Variants in UNC13C observed in about 807,000 individuals in gnomAD.
UNC13C encodes unc-13 homolog C.
Under a neutral mutation model 245.4 loss-of-function variants are expected in UNC13C, and 174 were observed. The ratio of observed to expected loss-of-function variants is 0.71; its 90% CI spans 0.63 to 0.80. The LOEUF (loss-of-function observed/expected upper bound fraction) is 0.80. Among genes scored for constraint, UNC13C ranks in the 30% least tolerant of loss-of-function variants. The pLI is 0.00. For synonymous variants in UNC13C, 992 were observed against 895.1 expected, an observed-to-expected ratio of 1.11 and a Z score of -1.93; for missense variants, 2,829 against 2,602.9, an observed-to-expected ratio of 1.09 and a Z score of -1.89.
At chr15:54,234,193 G>A (rs553529175) in intron 4 of UNC13C, among the ~76,000 whole-genome samples, 17 of 151,678 alleles carry the variant, frequency 1.1e-4, no homozygotes, top group African/African-American at 4.1e-4. Context: ...GATATTTTAT[G>A]TGCGTTCATA....
chr15:54,047,862 C>T (rs1299889232), intron 2 of UNC13C, among the ~76,000 whole-genome samples: 1 of 152,074 alleles, frequency 6.6e-6, no homozygotes, highest in East Asian at 1.9e-4. Context: ...TTATTATCAG[C>T]ATTCATATTT....
At chr15:54,565,228 A>G (rs2141212709) in intron 29 of UNC13C, among the ~76,000 whole-genome samples, 1 of 152,098 alleles carries the variant, frequency 6.6e-6, no homozygotes, top group East Asian at 1.9e-4. Context: ...AATGTTGGTT[A>G]CATTTCCTAC....
rs774740062 is a variant in UNC13C, at chr15:54,257,353, A to G, written c.3449-6815A>G. ...GTGATGACTGGGCAACCTCTAGAAA[A>G]TGCTGATGAGATGTAGTACCTTTAA... is the stretch of plus-strand genomic sequence containing the variant. On this transcript the variant is annotated intron_variant, in intron 8 of 32. Transcript: ENST00000260323. Among the ~76,000 whole-genome samples the G allele has an allele frequency of 8.0e-4, 122 of 152,334 alleles. 1 individual carries two copies. Among genetic ancestry groups the G allele is most frequent in the Admixed American group, 2.4e-3 (37 of 15,306 alleles).
intron 8 of UNC13C, among the ~76,000 whole-genome samples, chr15:54,255,167 C>T (rs2036247819): frequency 6.6e-6 from 1 of 152,158 alleles, no homozygotes; most frequent in South Asian, 2.1e-4. Flanking sequence ...AGTTTAGCTT[C>T]CCGTAGGTGG....
chr15:54,293,862 A>T, intron 10 of UNC13C, 33 bp from the exon 11 acceptor site: 2 of 1,481,392 alleles, frequency 1.4e-6, no homozygotes, highest in Admixed American at 5.2e-5. Context: ...AGCAGTTTTC[A>T]ATTGTTGTTA....
intron 30 of UNC13C, among the ~76,000 whole-genome samples, chr15:54,582,746 A>T (rs1898260942): frequency 6.6e-6 from 1 of 152,138 alleles, no homozygotes; most frequent in South Asian, 2.1e-4. Context: ...AAAACTGTGA[A>T]TTATGACGAC....
chr15:54,458,680 CTTTTTTTTT>C (rs79291504), intron 19 of UNC13C, among the ~76,000 whole-genome samples: 1 of 65,974 alleles, frequency 1.5e-5, no homozygotes, highest in Admixed American at 2.4e-4. Context: ...CCTTTAAGGT[CTTTTTTTTT>C]TTTTTTTTTT....
chr15:54,321,249 T>C, intron 13 of UNC13C: 1 of 483,292 alleles, frequency 2.1e-6, no homozygotes. Context: ...CAAGACCCCT[T>C]TTCTTGCCAC....
chr15:54,074,560 C>T (rs1418623910), intron 2 of UNC13C, among the ~76,000 whole-genome samples: 2 of 152,118 alleles, frequency 1.3e-5, no homozygotes, highest in Non-Finnish European at 2.9e-5. Context: ...TTTCATTGAG[C>T]AGTGGTTTGT....
At chr15:54,077,789 T>C (rs1385952574) in intron 2 of UNC13C, among the ~76,000 whole-genome samples, 1 of 152,186 alleles carries the variant, frequency 6.6e-6, no homozygotes, top group Non-Finnish European at 1.5e-5. Flanking sequence ...ACTAAAAAAA[T>C]AAGCCTGTGT....
At chr15:54,061,647 A>C (rs1897840882) in intron 2 of UNC13C, among the ~76,000 whole-genome samples, 1 of 152,196 alleles carries the variant, frequency 6.6e-6, no homozygotes. Context: ...GAAAGAAGAC[A>C]GTGGAGAAAA....
At chr15:53,878,679 TA>T in the UNC13C span, among the ~76,000 whole-genome samples, 3 of 150,872 alleles carry the variant, frequency 2.0e-5, no homozygotes, top group South Asian at 2.1e-4. Context: ...AAGCTATCCT[TA>T]AAAAAAAAGA....
At chr15:54,260,627 A>T (rs1439972820) in intron 8 of UNC13C, among the ~76,000 whole-genome samples, 2 of 148,322 alleles carry the variant, frequency 1.3e-5, no homozygotes, top group Non-Finnish European at 1.5e-5. Context: ...ATATACATAC[A>T]CACACCTGTA....
intron 2 of UNC13C, among the ~76,000 whole-genome samples, chr15:54,117,092 GC>G (rs879614028): frequency 1.3e-5 from 2 of 151,740 alleles, no homozygotes; most frequent in Non-Finnish European, 2.9e-5. Flanking sequence ...CAGATATTTT[GC>G]CCATTTTTGC....
the UNC13C span, among the ~76,000 whole-genome samples, chr15:53,947,001 C>G: frequency 6.6e-6 from 1 of 152,062 alleles, no homozygotes; most frequent in Non-Finnish European, 1.5e-5. Context: ...AATAAAAGTT[C>G]TATTAATAGC....
chr15:54,321,382 T>C, intron 13 of UNC13C: 2 of 491,534 alleles, frequency 4.1e-6, no homozygotes, highest in South Asian at 3.0e-5. Context: ...TTTAAGTGGG[T>C]ACCTGGTCTT....
chr15:54,478,398 A>G (rs1456744897), intron 19 of UNC13C, among the ~76,000 whole-genome samples: 2 of 119,476 alleles, frequency 1.7e-5, no homozygotes, highest in Admixed American at 8.0e-5. Flanking sequence ...TTTAATTGTG[A>G]TATTAGGGTG....
At chr15:54,144,408 A>G (rs968125574) in intron 4 of UNC13C, among the ~76,000 whole-genome samples, 1 of 151,966 alleles carries the variant, frequency 6.6e-6, no homozygotes, top group Non-Finnish European at 1.5e-5. Context: ...CTGACTTTGT[A>G]TCTAGTGCTG....
At chr15:54,232,768 C>T (rs1441672870) in intron 4 of UNC13C, among the ~76,000 whole-genome samples, 1 of 152,012 alleles carries the variant, frequency 6.6e-6, no homozygotes, top group Admixed American at 6.6e-5. Context: ...AATATTTATT[C>T]ATGCATGTTT....
Sources: allele counts gnomAD v4.1 joint callset (sites outside exome capture counted in the v4.1 genomes callset), GRCh38; gene constraint gnomAD v4.1.1; transcripts MANE v1.5; gene names NCBI Gene and HGNC (gene_info 2026-07-23, HGNC 2026-07-21).